ZNF704: variants seen among roughly 807,000 people sequenced by gnomAD.
The protein encoded by ZNF704 is zinc finger protein 704.
ZNF704 carries 10 observed loss-of-function variants against 44.7 expected under a neutral mutation model. The ratio of observed to expected loss-of-function variants is 0.22; its 90% CI spans 0.14 to 0.38. The LOEUF is 0.38. Ranked by LOEUF, ZNF704 falls within the 10% of genes least tolerant of loss-of-function variation. The pLI is 1.00. For synonymous variants in ZNF704, 211 were observed against 207.6 expected, an observed-to-expected ratio of 1.02 and a Z score of -0.14; for missense variants, 390 against 545.5, an observed-to-expected ratio of 0.71 and a Z score of 2.84.
chr8:80,873,904 G>C (rs1809307796), intron 1 of ZNF704, among the ~76,000 whole-genome samples: 2 of 146,206 alleles, frequency 1.4e-5, no homozygotes, highest in South Asian at 4.2e-4. Flanking sequence ...CGGGCGCCGG[G>C]GCCGGGCCCG....
intron 2 of ZNF704, among the ~76,000 whole-genome samples, chr8:80,747,924 C>T (rs1004343102): frequency 6.6e-6 from 1 of 152,152 alleles, no homozygotes; most frequent in Admixed American, 6.5e-5. Flanking sequence ...ACCTTGTTGG[C>T]CAGGATGGTC....
At chr8:80,803,096 T>G (rs76386094) in intron 2 of ZNF704, among the ~76,000 whole-genome samples, 6,963 of 152,070 alleles carry the variant, frequency 0.046, 560 homozygotes, top group African/African-American at 0.16. Flanking sequence ...TCACAATTGC[T>G]ACAAAAAAAT....
At chr8:80,844,002 CAT>C (rs1808726463) in intron 1 of ZNF704, among the ~76,000 whole-genome samples, 1 of 149,944 alleles carries the variant, frequency 6.7e-6, no homozygotes, top group South Asian at 2.1e-4. Context: ...CACATACACA[CAT>C]GTATATGTGT....
At chr8:80,795,092 C>CA (rs1486615410) in intron 2 of ZNF704, among the ~76,000 whole-genome samples, 1 of 152,122 alleles carries the variant, frequency 6.6e-6, no homozygotes. Flanking sequence ...GGGAATCTCC[C>CA]ATCCCAATGC....
chr8:80,744,293 T>G (rs752954700), intron 2 of ZNF704, among the ~76,000 whole-genome samples: 17 of 152,132 alleles, frequency 1.1e-4, no homozygotes, highest in Non-Finnish European at 2.2e-4. Context: ...ATATATATAT[T>G]TGGATGGCAC....
At chr8:80,736,499 T>G (rs1253851130) in intron 2 of ZNF704, among the ~76,000 whole-genome samples, 2 of 152,164 alleles carry the variant, frequency 1.3e-5, no homozygotes, top group Non-Finnish European at 2.9e-5. Context: ...AGGCTGGTCT[T>G]GATTTCCTGA....
intron 2 of ZNF704, among the ~76,000 whole-genome samples, chr8:80,767,531 T>C (rs897349357): frequency 2.0e-5 from 3 of 152,174 alleles, no homozygotes; most frequent in Non-Finnish European, 4.4e-5. Flanking sequence ...ATTTTAATCA[T>C]AAAATAGTGC....
chr8:80,879,708 C>T (rs1809400832), upstream of ZNF704, among the ~76,000 whole-genome samples: 1 of 152,220 alleles, frequency 6.6e-6, no homozygotes, highest in Middle Eastern at 3.4e-3. Flanking sequence ...AATAAGATGC[C>T]TAACAGCCAT....
chr8:80,735,455 C>T (rs1238757055), intron 2 of ZNF704, among the ~76,000 whole-genome samples: 1 of 152,162 alleles, frequency 6.6e-6, no homozygotes, highest in African/African-American at 2.4e-5. Context: ...ACCTGTGGAG[C>T]CAGGGGCAGA....
At chr8:80,685,830 T>C (rs1311400657) in intron 4 of ZNF704, among the ~76,000 whole-genome samples, 4 of 152,204 alleles carry the variant, frequency 2.6e-5, no homozygotes, top group African/African-American at 7.2e-5. Flanking sequence ...AGGGAAGGCA[T>C]TGTTGGATCA....
chr8:80,746,603 A>T (rs559404722), intron 2 of ZNF704, among the ~76,000 whole-genome samples: 47 of 152,304 alleles, frequency 3.1e-4, no homozygotes, highest in African/African-American at 1.0e-3. Flanking sequence ...TGGGTATTAC[A>T]CTAAGTTTGG....
intron 2 of ZNF704, among the ~76,000 whole-genome samples, chr8:80,697,709 T>C (rs957256366): frequency 1.3e-5 from 2 of 152,238 alleles, no homozygotes; most frequent in Non-Finnish European, 2.9e-5. Flanking sequence ...AGCACCAGCA[T>C]GAGCCTCAGC....
intron 2 of ZNF704, among the ~76,000 whole-genome samples, chr8:80,783,310 GTCCA>G (rs1366557707): frequency 9.9e-5 from 15 of 152,284 alleles, no homozygotes; most frequent in African/African-American, 3.4e-4. Flanking sequence ...TGTGACTTTA[GTCCA>G]TTCTTTTTAT....
rs979884968 is a variant in ZNF704, at chr8:80,632,914, T to A, written c.*8452A>T. 6.6e-6 allele frequency: 1 copy of A among 152,212 alleles called. No individual in the cohort carries two copies. Among genetic ancestry groups the A allele is most frequent in the Non-Finnish European group, 1.5e-5 (1 of 68,040 alleles). The allele number at this position is 152,212 out of a possible 1,614,324, so 9.4% of individuals were successfully genotyped here. Reference sequence around the variant, plus strand: ...AATAAATATTATTCATCAAAAACCCTGTTCATGATGTAGGAGTCTGGCCAA... The same window carrying A: ...AATAAATATTATTCATCAAAAACCCAGTTCATGATGTAGGAGTCTGGCCAA... On this transcript the variant is annotated 3_prime_UTR_variant, in exon 9 of 9. Coordinates refer to ENST00000327835, the MANE Select transcript of ZNF704 (RefSeq NM_001033723.3).
intron 2 of ZNF704, among the ~76,000 whole-genome samples, chr8:80,742,307 G>A (rs1019075919): frequency 2.0e-5 from 3 of 152,132 alleles, no homozygotes; most frequent in Non-Finnish European, 4.4e-5. Flanking sequence ...AAATCGAATG[G>A]GGAACCTCAC....
intron 2 of ZNF704, among the ~76,000 whole-genome samples, chr8:80,783,759 A>C (rs1382271002): frequency 7.2e-5 from 11 of 152,122 alleles, no homozygotes; most frequent in Admixed American, 7.2e-4. Context: ...CAAAGATCAC[A>C]GTTTACACTA....
intron 4 of ZNF704, among the ~76,000 whole-genome samples, chr8:80,671,168 C>T (rs911280190): frequency 6.6e-6 from 1 of 152,160 alleles, no homozygotes; most frequent in African/African-American, 2.4e-5. Context: ...CACTCTGTCA[C>T]CCAGGCTGGA....
intron 6 of ZNF704, 116 bp downstream of exon 6, chr8:80,664,699 C>T (rs149960393): frequency 1.2e-5 from 15 of 1,271,174 alleles, no homozygotes; most frequent in East Asian, 9.3e-5. Flanking sequence ...TCAAAGCTAC[C>T]GGGCTGCCGT....
At chr8:80,748,059 T>C (rs1235127018) in intron 2 of ZNF704, among the ~76,000 whole-genome samples, 1 of 152,200 alleles carries the variant, frequency 6.6e-6, no homozygotes, top group Admixed American at 6.5e-5. Flanking sequence ...CAACAGTTGT[T>C]AGATACAGCA....
Sources: allele counts gnomAD v4.1 joint callset (sites outside exome capture counted in the v4.1 genomes callset), GRCh38; gene constraint gnomAD v4.1.1; transcripts MANE v1.5; gene names NCBI Gene and HGNC (gene_info 2026-07-23, HGNC 2026-07-21).